Variants in NPIPA1 observed in about 807,000 individuals in gnomAD.
The protein encoded by NPIPA1 is nuclear pore complex interacting protein family member A1.
For synonymous variants in NPIPA1, 7 were observed against 88.0 expected (o/e 0.08, Z 5.15); for missense variants, 22 against 232.2 (o/e 0.09, Z 5.88).
chr16:14,938,737 G>T (rs1421796848), intron 1 of NPIPA1, among the ~76,000 whole-genome samples: 1 of 151,900 alleles, frequency 6.6e-6, no homozygotes, highest in East Asian at 2.0e-4. Context: ...CATCTGGTTT[G>T]ATGACTTTTT....
At chr16:14,946,944 C>T (rs1169055592) in intron 4 of NPIPA1, among the ~76,000 whole-genome samples, 4 of 152,132 alleles carry the variant, frequency 2.6e-5, no homozygotes, top group East Asian at 1.9e-4. Flanking sequence ...CCGCACAACT[C>T]GGCCTCCCAA....
At chr16:14,947,718 C>G (rs1365664396) in intron 4 of NPIPA1, among the ~76,000 whole-genome samples, 2 of 152,196 alleles carry the variant, frequency 1.3e-5, no homozygotes, top group African/African-American at 2.4e-5. Context: ...GTTTGGTGTC[C>G]CCCATTGTTC....
At chr16:14,945,166 C>A (rs1965852229) in intron 2 of NPIPA1, among the ~76,000 whole-genome samples, 1 of 150,992 alleles carries the variant, frequency 6.6e-6, no homozygotes, top group East Asian at 2.0e-4. Context: ...CTGCCTCGGC[C>A]TCCCAAAGTG....
intron 1 of NPIPA1, among the ~76,000 whole-genome samples, chr16:14,940,632 G>T (rs1367896849): frequency 7.1e-6 from 1 of 140,196 alleles, no homozygotes; most frequent in Non-Finnish European, 1.5e-5. Context: ...CTTGAACCCG[G>T]GAGGCGGAGG....
At chr16:14,941,159 C>T (rs867476975) in intron 1 of NPIPA1, among the ~76,000 whole-genome samples, 29 of 151,578 alleles carry the variant, frequency 1.9e-4, no homozygotes, top group African/African-American at 3.4e-4. Context: ...AAAAAATGGC[C>T]GGGCACGGTG....
At chr16:14,946,868 T>C (rs1174368426) in intron 4 of NPIPA1, among the ~76,000 whole-genome samples, 3 of 152,124 alleles carry the variant, frequency 2.0e-5, no homozygotes, top group African/African-American at 7.2e-5. Flanking sequence ...ATAATTTTTG[T>C]ATTTTTAGTA....
intron 4 of NPIPA1, among the ~76,000 whole-genome samples, chr16:14,946,934 C>T (rs1213037995): frequency 1.3e-5 from 2 of 152,154 alleles, no homozygotes; most frequent in African/African-American, 2.4e-5. Flanking sequence ...ACATCATGAT[C>T]CGCACAACTC....
At chr16:14,945,230 G>A (rs1272686407) in intron 2 of NPIPA1, among the ~76,000 whole-genome samples, 2 of 131,372 alleles carry the variant, frequency 1.5e-5, no homozygotes, top group Non-Finnish European at 1.6e-5. Context: ...CTTGTGTGGT[G>A]TGTGTGTGTG....
chr16:14,947,861 G>A (rs1965929906), intron 4 of NPIPA1, among the ~76,000 whole-genome samples: 1 of 151,894 alleles, frequency 6.6e-6, no homozygotes, highest in Non-Finnish European at 1.5e-5. Flanking sequence ...GTCCTCACTG[G>A]CTTCTCATTT....
intron 2 of NPIPA1, among the ~76,000 whole-genome samples, chr16:14,942,697 G>C (rs1342435517): frequency 6.6e-6 from 1 of 152,192 alleles, no homozygotes; most frequent in Non-Finnish European, 1.5e-5. Flanking sequence ...GTCTGGGCAG[G>C]GTAATTTTGA....
intron 2 of NPIPA1, among the ~76,000 whole-genome samples, chr16:14,942,739 G>T (rs1199655746): frequency 6.6e-6 from 1 of 152,252 alleles, no homozygotes; most frequent in African/African-American, 2.4e-5. Flanking sequence ...GTTCCCACTT[G>T]CAACTGGAGA....
chr16:14,941,168 T>G (rs1244563290), intron 1 of NPIPA1, among the ~76,000 whole-genome samples: 1 of 151,510 alleles, frequency 6.6e-6, no homozygotes, highest in Non-Finnish European at 1.5e-5. Context: ...CCGGGCACGG[T>G]GGCTCACACC....
intron 2 of NPIPA1, among the ~76,000 whole-genome samples, chr16:14,942,147 C>CA (rs1965764184): frequency 2.5e-5 from 2 of 78,864 alleles, no homozygotes; most frequent in Non-Finnish European, 2.4e-5. Context: ...AGAATGTCAA[C>CA]AGAGCTTTTG....
intron 5 of NPIPA1, chr16:14,949,674 T>C (rs1306470712): frequency 3.0e-6 from 2 of 672,068 alleles, no homozygotes; most frequent in Non-Finnish European, 4.9e-6. Flanking sequence ...CTTGGCTCAC[T>C]GCAACCTCTG....
chr16:14,938,685 C>T (rs1318170917), intron 1 of NPIPA1, among the ~76,000 whole-genome samples: 1 of 149,110 alleles, frequency 6.7e-6, no homozygotes, highest in East Asian at 2.1e-4. Context: ...CTCTAACAAA[C>T]AAAACGGACC....
chr16:14,946,615 C>T (rs1965893257), intron 4 of NPIPA1, among the ~76,000 whole-genome samples: 2 of 147,168 alleles, frequency 1.4e-5, no homozygotes, highest in South Asian at 4.4e-4. Context: ...ACCTCTGCCT[C>T]CCAGTTTGAA....
chr16:14,944,903 CTA>C (rs1399328675), intron 2 of NPIPA1, among the ~76,000 whole-genome samples: 3 of 148,838 alleles, frequency 2.0e-5, no homozygotes, highest in Admixed American at 6.7e-5. Context: ...CGCACCTGGC[CTA>C]TATTTTTTTT....
intron 2 of NPIPA1, among the ~76,000 whole-genome samples, chr16:14,942,263 C>CT (rs1479683644): frequency 7.2e-6 from 1 of 138,020 alleles, no homozygotes; most frequent in African/African-American, 2.8e-5. Context: ...CTTTATAGTT[C>CT]TATCGTATGG....
intron 1 of NPIPA1, among the ~76,000 whole-genome samples, chr16:14,937,963 C>T (rs1965656369): frequency 1.4e-5 from 2 of 146,826 alleles, no homozygotes; most frequent in Admixed American, 7.3e-5. Flanking sequence ...CTTCCACCAG[C>T]GCTTGAGAAC....
Sources: gnomAD v4.1 joint callset for allele counts (sites outside exome capture counted in the v4.1 genomes callset) on GRCh38, gnomAD v4.1.1 for gene constraint, MANE v1.5 for transcripts, NCBI Gene and HGNC (gene_info 2026-07-23, HGNC 2026-07-21) for gene names.